ESRRB: variants seen among roughly 807,000 people sequenced by gnomAD.
The protein encoded by ESRRB is steroid hormone receptor ERR2.
ESRRB carries 16 observed loss-of-function variants against 46.0 expected under a neutral mutation model. The ratio of observed to expected loss-of-function variants is 0.35; its 90% confidence interval spans 0.24 to 0.53. The LOEUF is 0.53. Ranked by LOEUF, ESRRB falls within the 20% of genes least tolerant of loss-of-function variation. The probability of loss-of-function intolerance (pLI) is 0.93; values close to 1 mark genes in which losing one functional copy is unlikely to be tolerated. For synonymous variants in ESRRB, 246 were observed against 259.6 expected, an observed-to-expected ratio of 0.95 and a Z score of 0.50; for missense variants, 488 against 607.4, an observed-to-expected ratio of 0.80 and a Z score of 2.07.
chr14:76,372,268 T>A (rs950686756), upstream of ESRRB, among the ~76,000 whole-genome samples: 1 of 151,960 alleles, frequency 6.6e-6, no homozygotes, highest in Non-Finnish European at 1.5e-5. Flanking sequence ...GGGGACAGAG[T>A]GGGCTAGGCT....
chr14:76,411,745 G>T (rs1886452612), intron 1 of ESRRB, among the ~76,000 whole-genome samples: 1 of 152,102 alleles, frequency 6.6e-6, no homozygotes, highest in Admixed American at 6.5e-5. Flanking sequence ...ATGGTACCTG[G>T]TACATGGTAA....
At chr14:76,420,303 G>A (rs1232873297) in intron 1 of ESRRB, among the ~76,000 whole-genome samples, 1 of 152,072 alleles carries the variant, frequency 6.6e-6, no homozygotes, top group African/African-American at 2.4e-5. Context: ...TTCCAGGAAG[G>A]GACAAAGAAT....
chr14:76,458,541 T>C (rs1195318795), intron 2 of ESRRB, among the ~76,000 whole-genome samples: 1 of 151,848 alleles, frequency 6.6e-6, no homozygotes, highest in Non-Finnish European at 1.5e-5. Flanking sequence ...CTGTTAGCAC[T>C]TGGTCCTCTT....
intron 2 of ESRRB, among the ~76,000 whole-genome samples, chr14:76,451,866 C>T (rs539652093): frequency 8.1e-5 from 12 of 148,488 alleles, no homozygotes; most frequent in African/African-American, 2.2e-4. Context: ...CTCCTGACCT[C>T]GTGACCCTCC....
At chr14:76,390,725 T>C (rs1471503373) in intron 1 of ESRRB, among the ~76,000 whole-genome samples, 1 of 152,152 alleles carries the variant, frequency 6.6e-6, no homozygotes, top group African/African-American at 2.4e-5. Flanking sequence ...GTGCGTAGGG[T>C]TTAACTTGAG....
chr14:76,342,262 G>C (rs1002691177), intron 1 of ESRRB, among the ~76,000 whole-genome samples: 17 of 152,154 alleles, frequency 1.1e-4, no homozygotes, highest in African/African-American at 4.1e-4. Context: ...GCTTTCCCAG[G>C]GGTGAGCAGC....
At chr14:76,407,117 G>A (rs911878097) in intron 1 of ESRRB, among the ~76,000 whole-genome samples, 6 of 152,182 alleles carry the variant, frequency 3.9e-5, no homozygotes, top group Admixed American at 1.3e-4. Context: ...ATGTGCCGTC[G>A]GCCCCAGGAG....
intron 1 of ESRRB, among the ~76,000 whole-genome samples, chr14:76,352,882 C>G (rs994947492): frequency 4.6e-5 from 7 of 152,228 alleles, no homozygotes; most frequent in African/African-American, 1.7e-4. Flanking sequence ...GAGCACCGTC[C>G]GCCCTTCCTA....
chr14:76,397,145 G>A (rs892215878), intron 1 of ESRRB, among the ~76,000 whole-genome samples: 3 of 152,250 alleles, frequency 2.0e-5, no homozygotes, highest in Non-Finnish European at 4.4e-5. Flanking sequence ...ACATCAAAGA[G>A]AGTGCGCCTG....
At chr14:76,445,966 G>A (rs1344061773) in intron 2 of ESRRB, among the ~76,000 whole-genome samples, 2 of 152,188 alleles carry the variant, frequency 1.3e-5, no homozygotes, top group African/African-American at 2.4e-5. Flanking sequence ...AATTACAGGC[G>A]TGAGCCACTG....
chr14:76,431,634 T>C (rs1165071260), intron 1 of ESRRB, among the ~76,000 whole-genome samples: 1 of 152,018 alleles, frequency 6.6e-6, no homozygotes, highest in South Asian at 2.1e-4. Context: ...GGGGGTGAAA[T>C]TGAGGCCAGG....
intron 1 of ESRRB, among the ~76,000 whole-genome samples, chr14:76,350,626 A>G (rs1884302742): frequency 6.6e-6 from 1 of 152,234 alleles, no homozygotes; most frequent in African/African-American, 2.4e-5. Context: ...TAAGCCAAGC[A>G]AATCAATATT....
chr14:76,334,747 A>G (rs915493822), intron 1 of ESRRB, among the ~76,000 whole-genome samples: 2 of 151,992 alleles, frequency 1.3e-5, no homozygotes, highest in African/African-American at 2.4e-5. Context: ...TGTACAAGCC[A>G]TTTTCTTTGG....
At chr14:76,382,019 A>G (rs1372767150) in intron 1 of ESRRB, among the ~76,000 whole-genome samples, 1 of 152,126 alleles carries the variant, frequency 6.6e-6, no homozygotes, top group Admixed American at 6.5e-5. Flanking sequence ...ACCTTTCTTT[A>G]TAAGTCATTG....
chr14:76,386,519 C>T (rs553399841), intron 1 of ESRRB, among the ~76,000 whole-genome samples: 4 of 146,300 alleles, frequency 2.7e-5, no homozygotes, highest in East Asian at 2.0e-4. Flanking sequence ...TGCAGTGACA[C>T]GATCTCGGCT....
At chr14:76,485,330 C>T (rs1889965770) in intron 5 of ESRRB, among the ~76,000 whole-genome samples, 1 of 150,664 alleles carries the variant, frequency 6.6e-6, no homozygotes, top group South Asian at 2.1e-4. Flanking sequence ...AATCTCCTCC[C>T]AGGTTCAAGC....
intron 3 of ESRRB, among the ~76,000 whole-genome samples, chr14:76,466,055 C>A (rs893737443): frequency 2.0e-5 from 3 of 152,168 alleles, no homozygotes; most frequent in African/African-American, 7.2e-5. Context: ...AAGGCCCAGG[C>A]CCCCCAAGAC....
chr14:76,480,950 T>C (rs1566609807), intron 3 of ESRRB, among the ~76,000 whole-genome samples: 1 of 152,166 alleles, frequency 6.6e-6, no homozygotes, highest in Non-Finnish European at 1.5e-5. Flanking sequence ...TCAAGGCCCA[T>C]TTCATGATCA....
chr14:76,470,961 C>G (rs985365215), intron 3 of ESRRB, among the ~76,000 whole-genome samples: 4 of 152,190 alleles, frequency 2.6e-5, no homozygotes, highest in Non-Finnish European at 5.9e-5. Context: ...CCAAATTCTT[C>G]CCTAGATATT....
Sources: gnomAD v4.1 joint callset for allele counts (sites outside exome capture counted in the v4.1 genomes callset) on GRCh38, gnomAD v4.1.1 for gene constraint, MANE v1.5 for transcripts, NCBI Gene and HGNC (gene_info 2026-07-23, HGNC 2026-07-21) for gene names.